Variants in NHLRC2 observed in about 807,000 individuals in gnomAD.
NHLRC2 encodes the protein NHL repeat-containing protein 2.
Under a neutral mutation model 68.1 loss-of-function variants are expected in NHLRC2, and 33 were observed. The ratio of observed to expected loss-of-function variants is 0.48; its 90% CI spans 0.37 to 0.65. NHLRC2 has a LOEUF of 0.65. NHLRC2 is among the 30% of genes least tolerant of loss of function. NHLRC2 has a pLI of 0.00. For missense variants in NHLRC2, 761 were observed against 853.8 expected (o/e 0.89, Z 1.35); for synonymous variants, 311 against 309.6 (o/e 1.00, Z -0.05).
At position 113,908,274 on chromosome 10, in the gene NHLRC2, T is replaced by A; in HGVS notation, c.1925-6T>A. The A allele has an allele frequency of 3.1e-6, 5 of 1,610,848 alleles. No homozygotes were observed. Among genetic ancestry groups the A allele is most frequent in the Non-Finnish European group, 4.2e-6 (5 of 1,177,154 alleles). On this transcript the variant is annotated splice_region_variant and splice_polypyrimidine_tract_variant and intron_variant, in intron 10 of 10. Coordinates refer to ENST00000369301, the MANE Select transcript of NHLRC2 (RefSeq NM_198514.4). ...CAGTCTTAATAATTTCATTTTTGATTTTTAGGCAATGAATGGCTACTTCAA... is the reference window on the plus strand; with the variant it reads ...CAGTCTTAATAATTTCATTTTTGATATTTAGGCAATGAATGGCTACTTCAA...
At chr10:113,855,196 G>A in intron 1 of NHLRC2, 146 bp downstream of exon 1, 1 of 735,508 alleles carries the variant, frequency 1.4e-6, no homozygotes, top group East Asian at 2.7e-5. Flanking sequence ...GCCGCTGTTC[G>A]CGTGTTCTGC....
At position 113,912,050 on chromosome 10, in the gene NHLRC2, G is replaced by A. The variant is rs1034207222; in HGVS notation, c.*3514G>A. On this transcript the variant is annotated 3_prime_UTR_variant, in exon 11 of 11. Coordinates refer to ENST00000369301, the MANE Select transcript of NHLRC2 (RefSeq NM_198514.4). Reference sequence around the variant, plus strand: ...ATTGTTTGGAGTCCTTTGATCTACCGGTTCTCTTAAGTACGTGATTTCGTG... The same window carrying A: ...ATTGTTTGGAGTCCTTTGATCTACCAGTTCTCTTAAGTACGTGATTTCGTG... 9 of 152,078 alleles carry A rather than the reference G, an allele frequency of 5.9e-5. 1 individual carries two copies. Among genetic ancestry groups the A allele is most frequent in the East Asian group, 1.9e-4 (1 of 5,188 alleles). The allele number at this position is 152,078 out of a possible 1,614,324, so 9.4% of individuals were successfully genotyped here. A position where few individuals can be genotyped will look rare whatever the true frequency, so the allele number is the denominator to read the frequency against.
At position 113,914,850 on chromosome 10, in the gene NHLRC2, T is replaced by C. The variant is rs2134750547; in HGVS notation, c.*6314T>C. ...CTTTGCAATAGGATAATATAAAGAA[T>C]AGTATTAAAAGTCAGAGGCTTTACT... On this transcript the variant is annotated 3_prime_UTR_variant, in exon 11 of 11. Transcript: ENST00000369301. The C allele has an allele frequency of 5.5e-6, 2 of 363,794 alleles. No individual in the cohort carries two copies. Among genetic ancestry groups the C allele is most frequent in the Middle Eastern group, 1.8e-3 (2 of 1,116 alleles). 22.5% of individuals were successfully genotyped at this position (363,794 alleles called of 1,614,324 possible). A position where few individuals can be genotyped will look rare whatever the true frequency, so the allele number is the denominator to read the frequency against.
chr10:113,878,408 A>G (rs926925172), intron 3 of NHLRC2, among the ~76,000 whole-genome samples: 3 of 152,216 alleles, frequency 2.0e-5, no homozygotes, highest in Admixed American at 6.5e-5. Flanking sequence ...GCACAATGCT[A>G]TGAGTTAGGT....
chr10:113,867,933 A>C (rs1051064400), intron 2 of NHLRC2, among the ~76,000 whole-genome samples: 2 of 151,966 alleles, frequency 1.3e-5, no homozygotes, highest in Non-Finnish European at 2.9e-5. Context: ...AAAAATATGT[A>C]TTTTAAAAAG....
At chr10:113,859,608 C>A (rs750153755) in intron 2 of NHLRC2, among the ~76,000 whole-genome samples, 59 of 152,270 alleles carry the variant, frequency 3.9e-4, no homozygotes, top group Middle Eastern at 3.4e-3. Context: ...TCAAATATTT[C>A]TACTAGCTAA....
chr10:113,869,259 A>C (rs549614966), intron 2 of NHLRC2, among the ~76,000 whole-genome samples: 1 of 152,250 alleles, frequency 6.6e-6, no homozygotes, highest in Admixed American at 6.5e-5. Context: ...ATTACTACAG[A>C]GATGTCCTAG....
intron 10 of NHLRC2, among the ~76,000 whole-genome samples, chr10:113,906,588 A>T (rs1349933151): frequency 6.6e-6 from 1 of 151,916 alleles, no homozygotes; most frequent in Non-Finnish European, 1.5e-5. Flanking sequence ...TAACTTCACA[A>T]ATTGTGTGTG....
chr10:113,854,834 C>T lies in NHLRC2; in HGVS notation c.-39C>T. 1 of 1,517,034 alleles carries T rather than the reference C, an allele frequency of 6.6e-7. No homozygotes were observed. Among genetic ancestry groups the T allele is most frequent in the South Asian group, 1.3e-5 (1 of 79,392 alleles). 94.0% of individuals were successfully genotyped at this position (1,517,034 alleles called of 1,614,324 possible). ...TTTCGTCTCTCCCAGCGAGACTCTC[C>T]CGCGGGCCCGGCGGCCGCATCGGGA... On this transcript the variant is annotated 5_prime_UTR_variant, in exon 1 of 11. Transcript: ENST00000369301.
chr10:113,903,529 TAA>T lies in NHLRC2; in HGVS notation c.1499_1500del (p.Lys500SerfsTer20), dbSNP rs1270848528. On this transcript the variant is annotated frameshift_variant, in exon 9 of 11. Coordinates refer to ENST00000369301, the MANE Select transcript of NHLRC2 (RefSeq NM_198514.4). LOFTEE classifies it high-confidence loss of function. ...YVADSYNHKI[K>X]VVDPKTKNCT... is the part of the protein sequence containing the mutation. ...AGTTTTTGTTCTTTCTTTTTTAGAT[TAA>T]AGTTGTGGATCCAAAAACAAAAAAC... 3 of 1,589,002 alleles carry T rather than the reference TAA, an allele frequency of 1.9e-6. No homozygotes were observed. The highest frequency in any genetic ancestry group is 2.6e-6 in the Non-Finnish European group (3 of 1,162,262).
At chr10:113,882,590 A>C (rs1052620409) in intron 4 of NHLRC2, among the ~76,000 whole-genome samples, 5 of 151,724 alleles carry the variant, frequency 3.3e-5, no homozygotes, top group Non-Finnish European at 5.9e-5. Flanking sequence ...TTCTAGGTAC[A>C]AGTTCTTTAT....
chr10:113,884,497 T>C lies in NHLRC2; in HGVS notation c.1039+117T>C, dbSNP rs1399735747. 3 of 711,076 alleles carry C rather than the reference T, an allele frequency of 4.2e-6. No homozygotes were observed. In the Admixed American group the frequency reaches 9.0e-5, roughly 21 times the overall value. The allele number at this position is 711,076 out of a possible 1,614,324, so 44.0% of individuals were successfully genotyped here. ...CTAGTTATTTTATTTTATACTTTTA[T>C]ACCTATGCCTCAGAGTTTGTTAATT... On this transcript the variant is annotated intron_variant, in intron 5 of 10. Transcript: ENST00000369301.
In NHLRC2 at chr10:113,903,624, T is replaced by G. The variant is rs942958072; in HGVS notation, c.1592T>G (p.Phe531Cys). Residue 531 changes from phenylalanine (F) to cysteine (C), a missense_variant, in exon 9 of 11, where the codon TTT becomes TGT. Transcript: ENST00000369301. ...AGTTCCAGTTTTACAGAGTCAACTT[T>G]TAATGAACCAGGAGGCTTGTGTATT... ...VTSSSFTEST[F>C]NEPGGLCIGE... 1 of 1,608,310 alleles carries G rather than the reference T, an allele frequency of 6.2e-7. No homozygotes were observed.
Position 113,859,398 on chromosome 10 carries a change from A to T in NHLRC2, c.331+718A>T, listed in dbSNP as rs190474501. ...TTGAAGCACTAATCTTGGAGTGGAT[A>T]AAAAAAAGAGATAGGGTCACCGATC... is the stretch of plus-strand genomic sequence containing the variant. On this transcript the variant is annotated intron_variant, in intron 2 of 10. Transcript: ENST00000369301. 2.2e-3 allele frequency among the ~76,000 whole-genome samples: 330 copies of T among 152,032 alleles called. 2 individuals carry two copies. The highest frequency in any genetic ancestry group is 7.6e-3 in the African/African-American group (317 of 41,490).
chr10:113,872,291 C>G (rs982996818), intron 2 of NHLRC2, among the ~76,000 whole-genome samples: 4 of 151,994 alleles, frequency 2.6e-5, no homozygotes, highest in African/African-American at 9.7e-5. Context: ...TATATCAACC[C>G]CTCCTTACAC....
rs80028436 is a variant in NHLRC2 at position 113,908,241 on chromosome 10, A to G, written c.1925-39A>G. ...ATAAGATGTTCCCAGTTTTCTACTT[A>G]TCTTATACAGTCTTAATAATTTCAT... On this transcript the variant is annotated intron_variant, in intron 10 of 10. Transcript: ENST00000369301. 3.6e-3 allele frequency: 5,540 copies of G among 1,526,030 alleles called. 126 individuals are homozygous for G. The African/African-American group carries it at 0.057, about 16-fold the overall frequency. 94.5% of individuals were successfully genotyped at this position (1,526,030 alleles called of 1,614,324 possible).
At chr10:113,894,327 T>G (rs1297335558) in intron 5 of NHLRC2, among the ~76,000 whole-genome samples, 1 of 152,214 alleles carries the variant, frequency 6.6e-6, no homozygotes, top group Non-Finnish European at 1.5e-5. Context: ...TAATGATTCT[T>G]AGTGTAGAAG....
At chr10:113,877,019 T>A in intron 3 of NHLRC2, 43 bp downstream of exon 3, 1 of 1,169,802 alleles carries the variant, frequency 8.5e-7, no homozygotes, top group Non-Finnish European at 1.2e-6. Context: ...TGTTTTACAG[T>A]AAAAAAATAG....
intron 2 of NHLRC2, among the ~76,000 whole-genome samples, chr10:113,859,243 G>A (rs2134685852): frequency 6.6e-6 from 1 of 152,224 alleles, no homozygotes; most frequent in Non-Finnish European, 1.5e-5. Context: ...TTCTAAAGAT[G>A]TAGGAGATTA....
Sources: gnomAD v4.1 joint callset for allele counts (sites outside exome capture counted in the v4.1 genomes callset) on GRCh38, gnomAD v4.1.1 for gene constraint, MANE v1.5 for transcripts, NCBI Gene and HGNC (gene_info 2026-07-23, HGNC 2026-07-21) for gene names.